PRKAR1A: variants seen among roughly 807,000 people sequenced by gnomAD.
PRKAR1A encodes protein kinase cAMP-dependent type I regulatory subunit alpha, also known as cAMP-dependent protein kinase type I-alpha regulatory subunit.
In PRKAR1A, 3 loss-of-function variants were observed where a neutral mutation model predicts 52.0. The observed-to-expected ratio is 0.06, with a 90% CI of 0.03 to 0.15. PRKAR1A has a LOEUF of 0.15. Ranked by LOEUF, PRKAR1A falls within the 10% of genes least tolerant of loss-of-function variation. The pLI, the probability that PRKAR1A is intolerant of heterozygous loss-of-function variation, is 1.00. For missense variants in PRKAR1A, 240 were observed against 477.4 expected, an observed-to-expected ratio of 0.50 and a Z score of 4.63; for synonymous variants, 188 against 168.4, an observed-to-expected ratio of 1.12 and a Z score of -0.90.
chr17:68,539,932 G>A (rs201353693), intron 11 of PRKAR1A: 3 of 1,614,198 alleles, frequency 1.9e-6, no homozygotes, highest in Non-Finnish European at 2.5e-6. Flanking sequence ...CCCCGAACTT[G>A]GTGAACATCT....
At chr17:68,426,253 G>GGGGGGGGT in the PRKAR1A span, 2 of 841,014 alleles carry the variant, frequency 2.4e-6, no homozygotes, top group Non-Finnish European at 1.9e-6. Flanking sequence ...GGGGAGCGGG[G>GGGGGGGGT]GCTCAAATAA....
chr17:68,423,011 A>G, the PRKAR1A span, among the ~76,000 whole-genome samples: 1 of 152,286 alleles, frequency 6.6e-6, no homozygotes, highest in South Asian at 2.1e-4. The surrounding 1 kb of genome is among the most constrained non-coding windows in gnomAD (Gnocchi z 4.4). Context: ...TGTGTTCTGA[A>G]AAGATCACTA....
the PRKAR1A span, chr17:68,457,309 C>A: frequency 6.5e-7 from 1 of 1,538,722 alleles, no homozygotes; most frequent in Middle Eastern, 1.7e-4. Flanking sequence ...CTCTGTCCCC[C>A]ACCTCCCTGG....
At chr17:68,434,475 G>A in the PRKAR1A span, 1 of 1,474,510 alleles carries the variant, frequency 6.8e-7, no homozygotes, top group Admixed American at 1.9e-5. Context: ...GCCACTCTCT[G>A]TCCTCTCCCT....
the PRKAR1A span, among the ~76,000 whole-genome samples, chr17:68,435,206 CA>C: frequency 0.016 from 2,228 of 139,160 alleles, 58 homozygotes; most frequent in East Asian, 0.089. Flanking sequence ...GACTCCACCT[CA>C]AAAAAAAAAA....
chr17:68,458,278 C>A, the PRKAR1A span, among the ~76,000 whole-genome samples: 6 of 152,130 alleles, frequency 3.9e-5, no homozygotes, highest in Non-Finnish European at 8.8e-5. Flanking sequence ...ACAGAAGAGG[C>A]AACTGAAGCT....
intron 1 of PRKAR1A, 133 bp from the exon 2 acceptor site, chr17:68,515,261 C>G: frequency 1.1e-6 from 1 of 923,818 alleles, no homozygotes. Flanking sequence ...TCCCCACTTC[C>G]CTGTTTAAAA....
chr17:68,435,123 C>A, the PRKAR1A span, among the ~76,000 whole-genome samples: 1 of 151,462 alleles, frequency 6.6e-6, no homozygotes, highest in African/African-American at 2.4e-5. Flanking sequence ...AGGAGAATCA[C>A]TTAAACCTGG....
the PRKAR1A span, among the ~76,000 whole-genome samples, chr17:68,498,582 G>A: frequency 6.6e-6 from 1 of 152,162 alleles, no homozygotes; most frequent in Non-Finnish European, 1.5e-5. Context: ...TCCTGCCTTT[G>A]AGAAATAGCC....
chr17:68,535,046 A>G (rs970311544), downstream of PRKAR1A: 14 of 323,412 alleles, frequency 4.3e-5, no homozygotes, highest in African/African-American at 2.6e-4. Flanking sequence ...AATTCTTCCA[A>G]ATGCCTCTTT....
At chr17:68,429,585 G>T in the PRKAR1A span, among the ~76,000 whole-genome samples, 4 of 152,152 alleles carry the variant, frequency 2.6e-5, no homozygotes, top group East Asian at 7.7e-4. Context: ...TTCCTTTGGG[G>T]CAAGTTTTCT....
chr17:68,436,979 G>A, the PRKAR1A span, among the ~76,000 whole-genome samples: 6 of 140,416 alleles, frequency 4.3e-5, no homozygotes, highest in African/African-American at 1.4e-4. Flanking sequence ...GGGCTACAGA[G>A]TGAGACCCCG....
At chr17:68,457,204 C>T in the PRKAR1A span, 1 of 1,007,466 alleles carries the variant, frequency 9.9e-7, no homozygotes. Context: ...AACAAGATCC[C>T]AATGCGTCCG....
chr17:68,492,693 G>T, the PRKAR1A span, among the ~76,000 whole-genome samples: 3,409 of 152,284 alleles, frequency 0.022, 114 homozygotes, highest in African/African-American at 0.075. Context: ...GTATGAGTCT[G>T]CAGCAACCTC....
intron 11 of PRKAR1A, chr17:68,541,128 T>G (rs988741175): frequency 1.1e-5 from 10 of 913,496 alleles, no homozygotes; most frequent in Non-Finnish European, 1.6e-5. Context: ...TAAGGCTGCA[T>G]ATTCCGTGTG....
chr17:68,469,596 G>T, the PRKAR1A span, among the ~76,000 whole-genome samples: 75 of 147,832 alleles, frequency 5.1e-4, no homozygotes, highest in Non-Finnish European at 7.4e-4. Context: ...TTTCCATCAT[G>T]AATGTCCTTT....
the PRKAR1A span, chr17:68,427,164 G>C: frequency 1.2e-6 from 2 of 1,614,078 alleles, no homozygotes; most frequent in South Asian, 1.1e-5. Context: ...AGATGCACTT[G>C]GTCTGGCTAC....
At chr17:68,533,993 A>G (rs1381668657), downstream of PRKAR1A, among the ~76,000 whole-genome samples, 2 of 152,174 alleles carry the variant, frequency 1.3e-5, no homozygotes, top group Non-Finnish European at 2.9e-5. Context: ...CCAAAGTGCT[A>G]GCATTACAGG....
In PRKAR1A at chr17:68,531,515, A is replaced by T. The variant is rs899172961; in HGVS notation, c.*1066A>T. 1 of 1,066,312 alleles carries T rather than the reference A, an allele frequency of 9.4e-7. No homozygotes were observed. Among genetic ancestry groups the T allele is most frequent in the Non-Finnish European group, 1.1e-6 (1 of 879,604 alleles). 66.1% of individuals were successfully genotyped at this position (1,066,312 alleles called of 1,614,324 possible). ...GTCGGGAATTTTCCCCGTGACATTC[A>T]CTGGGGCATGAGATTTTGGAAGAAG... On this transcript the variant is annotated 3_prime_UTR_variant, in exon 11 of 11. Coordinates refer to ENST00000589228, the MANE Select transcript of PRKAR1A (RefSeq NM_002734.5).
Sources: allele counts gnomAD v4.1 joint callset (sites outside exome capture counted in the v4.1 genomes callset), GRCh38; gene constraint gnomAD v4.1.1; non-coding constraint Gnocchi (gnomAD v3.1); transcripts MANE v1.5; gene names NCBI Gene and HGNC (gene_info 2026-07-23, HGNC 2026-07-21).